The following CNTN5 variants were observed in gnomAD, a reference collection of about 807,000 sequenced individuals.
CNTN5 encodes contactin 5, also known as contactin-5.
Under a neutral mutation model 129.1 loss-of-function variants are expected in CNTN5, and 77 were observed. That is an observed-to-expected ratio of 0.60 (90% CI 0.50 to 0.72). CNTN5 has a LOEUF of 0.72. Among genes scored for constraint, CNTN5 ranks in the 30% least tolerant of loss-of-function variants. The pLI, the probability that CNTN5 is intolerant of heterozygous loss-of-function variation, is 0.00. For missense variants in CNTN5, 1,478 were observed against 1,328.8 expected (o/e 1.11, Z -1.75); for synonymous variants, 509 against 465.6 (o/e 1.09, Z -1.20).
intron 1 of CNTN5, among the ~76,000 whole-genome samples, chr11:99,248,927 A>C (rs1861957469): frequency 6.6e-6 from 1 of 152,204 alleles, no homozygotes; most frequent in Non-Finnish European, 1.5e-5. Context: ...CTTTTGACTT[A>C]GGATTGACTT....
At chr11:99,876,315 T>C (rs1823084491) in intron 6 of CNTN5, among the ~76,000 whole-genome samples, 1 of 152,192 alleles carries the variant, frequency 6.6e-6, no homozygotes, top group South Asian at 2.1e-4. Flanking sequence ...CTTTTTGCAC[T>C]GTCCGCTAAC....
intron 1 of CNTN5, among the ~76,000 whole-genome samples, chr11:99,082,162 T>C (rs1053676155): frequency 1.3e-5 from 2 of 151,802 alleles, no homozygotes; most frequent in Non-Finnish European, 2.9e-5. Flanking sequence ...TGCCTAATCA[T>C]TGTAACCGCC....
intron 1 of CNTN5, among the ~76,000 whole-genome samples, chr11:99,108,827 T>C (rs1235059839): frequency 1.3e-5 from 2 of 152,094 alleles, no homozygotes; most frequent in African/African-American, 4.8e-5. Flanking sequence ...AATTCACTAA[T>C]TAAATATCTG....
chr11:100,238,734 T>A (rs2138673948), intron 16 of CNTN5, among the ~76,000 whole-genome samples: 1 of 152,324 alleles, frequency 6.6e-6, no homozygotes, highest in South Asian at 2.1e-4. Flanking sequence ...ATGTCCCTTA[T>A]CTTTAAGATT....
intron 9 of CNTN5, chr11:100,003,928 C>T (rs1013473847): frequency 1.3e-5 from 2 of 152,140 alleles, no homozygotes; most frequent in African/African-American, 4.8e-5. Context: ...GATGTCTACC[C>T]TCTACCTAAA....
intron 13 of CNTN5, among the ~76,000 whole-genome samples, chr11:100,178,571 C>T (rs750534275): frequency 5.3e-5 from 8 of 151,466 alleles, no homozygotes; most frequent in Non-Finnish European, 4.4e-5. Context: ...TCTCTTCTGC[C>T]ATTATGGCAT....
At chr11:99,091,929 T>C (rs1866269369) in intron 1 of CNTN5, among the ~76,000 whole-genome samples, 1 of 152,176 alleles carries the variant, frequency 6.6e-6, no homozygotes, top group South Asian at 2.1e-4. Flanking sequence ...TTTCATTTTC[T>C]TCAAGATTGG....
chr11:99,322,815 A>C (rs11828781), intron 1 of CNTN5, among the ~76,000 whole-genome samples: 29,178 of 152,102 alleles, frequency 0.19, 2,826 homozygotes, highest in Middle Eastern at 0.26. Flanking sequence ...GAAAATAAGA[A>C]TATCAGGTGA....
At chr11:99,274,749 C>A (rs1863345912) in intron 1 of CNTN5, among the ~76,000 whole-genome samples, 1 of 151,080 alleles carries the variant, frequency 6.6e-6, no homozygotes, top group African/African-American at 2.4e-5. Context: ...GCTTTGAGAC[C>A]TAAAAAAAGT....
chr11:99,877,761 C>T (rs1206517883), intron 6 of CNTN5, among the ~76,000 whole-genome samples: 1 of 152,172 alleles, frequency 6.6e-6, no homozygotes, highest in Non-Finnish European at 1.5e-5. Context: ...TATAGGTTTT[C>T]AATCATATGT....
chr11:99,061,441 G>T (rs1864874236), intron 1 of CNTN5, among the ~76,000 whole-genome samples: 1 of 151,976 alleles, frequency 6.6e-6, no homozygotes, highest in Admixed American at 6.6e-5. Context: ...AGAAGTTTCT[G>T]GGGTGTGCCC....
chr11:99,090,960 T>G (rs1322849719), intron 1 of CNTN5, among the ~76,000 whole-genome samples: 1 of 137,226 alleles, frequency 7.3e-6, no homozygotes, highest in Non-Finnish European at 1.5e-5. Context: ...AGGCGGAGCT[T>G]GCAGTGAGCC....
In CNTN5 at chr11:99,697,808, A is replaced by G. The variant is rs761038374; in HGVS notation, c.56-121736A>G. 3.1e-4 allele frequency among the ~76,000 whole-genome samples: 47 copies of G among 151,636 alleles called. 1 individual carries two copies. Among genetic ancestry groups the G allele is most frequent in the Admixed American group, 2.6e-4 (4 of 15,178 alleles). ...GTACTATCTTTTAAATTTTTCTGAA[A>G]TCTAAACCTATTGTTAAAAAGCTTA... On this transcript the variant is annotated intron_variant, in intron 3 of 24. Transcript: ENST00000524871.
At chr11:100,291,193 AGTGTGGC>A (rs1480490463) in intron 18 of CNTN5, among the ~76,000 whole-genome samples, 3 of 150,740 alleles carry the variant, frequency 2.0e-5, no homozygotes, top group Non-Finnish European at 3.0e-5. Context: ...TGTGGAAGTC[AGTGTGGC>A]GATTCCTCAG....
At chr11:100,214,803 T>G (rs1362794514) in intron 15 of CNTN5, among the ~76,000 whole-genome samples, 1 of 152,196 alleles carries the variant, frequency 6.6e-6, no homozygotes, top group Non-Finnish European at 1.5e-5. Flanking sequence ...GTACAAGTAC[T>G]CCAAAACCTA....
At chr11:99,601,582 A>G (rs553004877) in intron 3 of CNTN5, among the ~76,000 whole-genome samples, 1 of 152,332 alleles carries the variant, frequency 6.6e-6, no homozygotes, top group East Asian at 1.9e-4. Flanking sequence ...CCTCAAATTC[A>G]TTATACATAA....
intron 9 of CNTN5, among the ~76,000 whole-genome samples, chr11:100,007,391 T>A (rs1216776666): frequency 1.3e-5 from 2 of 152,166 alleles, no homozygotes; most frequent in African/African-American, 4.8e-5. Context: ...AAAATAAGGC[T>A]GTTTTGTCTA....
chr11:99,201,637 C>A (rs1859215004), intron 1 of CNTN5, among the ~76,000 whole-genome samples: 1 of 151,962 alleles, frequency 6.6e-6, no homozygotes, highest in African/African-American at 2.4e-5. Context: ...GATGGGCACA[C>A]TGGAATTAGG....
chr11:99,524,321 T>G (rs10893456), intron 2 of CNTN5, among the ~76,000 whole-genome samples: 42,226 of 152,040 alleles, frequency 0.28, 6,296 homozygotes, highest in East Asian at 0.42. Context: ...ATCATTTTAA[T>G]TTAAAGGTAT....
Sources: gnomAD v4.1 joint callset for allele counts (sites outside exome capture counted in the v4.1 genomes callset) on GRCh38, gnomAD v4.1.1 for gene constraint, MANE v1.5 for transcripts, NCBI Gene and HGNC (gene_info 2026-07-23, HGNC 2026-07-21) for gene names.